Variants in RHOA observed in about 807,000 individuals in gnomAD.
RHOA encodes ras homolog family member A.
Under a neutral mutation model 17.5 loss-of-function variants are expected in RHOA, and 3 were observed. That is an observed-to-expected ratio of 0.17 (90% CI 0.08 to 0.44). The LOEUF is 0.44. RHOA is among the 20% of genes least tolerant of loss of function. The pLI, the probability that RHOA is intolerant of heterozygous loss-of-function variation, is 0.99. For synonymous variants in RHOA, 98 were observed against 88.4 expected (o/e 1.11, Z -0.61); for missense variants, 56 against 242.3 (o/e 0.23, Z 5.10).
chr3:49,361,408 G>A (rs539779545), intron 4 of RHOA, among the ~76,000 whole-genome samples: 4 of 152,314 alleles, frequency 2.6e-5, no homozygotes, highest in African/African-American at 4.8e-5. Flanking sequence ...GCTGGTTTCT[G>A]AGAGGCCAAG....
At chr3:49,360,940 G>A (rs753621372) in intron 4 of RHOA, 3 of 370,694 alleles carry the variant, frequency 8.1e-6, no homozygotes, top group African/African-American at 6.7e-5. Flanking sequence ...GGGTGTGGTA[G>A]TGGGCGCCTG....
intron 1 of RHOA, among the ~76,000 whole-genome samples, chr3:49,394,116 T>C (rs1218055946): frequency 1.3e-5 from 2 of 152,034 alleles, no homozygotes; most frequent in Non-Finnish European, 2.9e-5. Context: ...GTGATCTGCC[T>C]GCCTCAGCCT....
intron 1 of RHOA, among the ~76,000 whole-genome samples, chr3:49,404,277 T>C (rs888534112): frequency 2.3e-5 from 3 of 132,660 alleles, no homozygotes; most frequent in Admixed American, 8.4e-5. Flanking sequence ...CACTCCAGCC[T>C]AGATGACAAA....
At chr3:49,373,837 C>T (rs1157872697) in intron 2 of RHOA, among the ~76,000 whole-genome samples, 3 of 149,752 alleles carry the variant, frequency 2.0e-5, no homozygotes, top group Admixed American at 1.3e-4. Flanking sequence ...AGAGGCCAAG[C>T]AAAGCATTAC....
At chr3:49,387,648 G>C (rs892168145) in intron 1 of RHOA, among the ~76,000 whole-genome samples, 4 of 151,112 alleles carry the variant, frequency 2.6e-5, no homozygotes, top group African/African-American at 7.3e-5. Context: ...AGGAGGCTGA[G>C]GTAGGAGAAT....
At chr3:49,411,542 G>C (rs1279542914) in intron 1 of RHOA, among the ~76,000 whole-genome samples, 1 of 152,104 alleles carries the variant, frequency 6.6e-6, no homozygotes, top group Non-Finnish European at 1.5e-5. Context: ...GACCGAGGGC[G>C]GGCAGGCGGG....
At chr3:49,387,260 T>A (rs1341687576) in intron 1 of RHOA, among the ~76,000 whole-genome samples, 1 of 136,494 alleles carries the variant, frequency 7.3e-6, no homozygotes, top group African/African-American at 2.8e-5. Flanking sequence ...CTGGCTAATA[T>A]GGTGAAACCC....
At chr3:49,398,044 G>C (rs1228680871) in intron 1 of RHOA, among the ~76,000 whole-genome samples, 1 of 152,144 alleles carries the variant, frequency 6.6e-6, no homozygotes, top group Admixed American at 6.6e-5. Context: ...GCTACATTCA[G>C]TCAAAAGCAC....
intron 3 of RHOA, among the ~76,000 whole-genome samples, chr3:49,367,359 A>AAAAAAAAAAAAAC (rs1436688172): frequency 6.7e-6 from 1 of 149,946 alleles, no homozygotes; most frequent in East Asian, 2.0e-4. Flanking sequence ...AAAAAAAAAA[A>AAAAAAAAAAAAAC]AAAAAAAGAA....
intron 1 of RHOA, among the ~76,000 whole-genome samples, chr3:49,395,590 A>G (rs997706156): frequency 4.0e-5 from 6 of 150,866 alleles, no homozygotes; most frequent in Admixed American, 1.3e-4. Flanking sequence ...GTGGGCGCCT[A>G]TAATTTCAGC....
chr3:49,393,729 T>TGAGA (rs1259094624), intron 1 of RHOA, among the ~76,000 whole-genome samples: 1,897 of 136,712 alleles, frequency 0.014, 88 homozygotes, highest in African/African-American at 0.034. Flanking sequence ...TGTGTGTGTG[T>TGAGA]GACAGAATCT....
intron 1 of RHOA, among the ~76,000 whole-genome samples, chr3:49,408,772 A>G (rs1306647203): frequency 6.6e-6 from 1 of 151,086 alleles, no homozygotes; most frequent in Non-Finnish European, 1.5e-5. Flanking sequence ...TAAATGGCAG[A>G]GTCAGACAAA....
intron 4 of RHOA, among the ~76,000 whole-genome samples, chr3:49,360,711 G>A (rs1343114480): frequency 1.3e-5 from 2 of 151,458 alleles, no homozygotes; most frequent in Non-Finnish European, 2.9e-5. Flanking sequence ...TGCCCACCTC[G>A]GCCTCCCAAA....
intron 1 of RHOA, among the ~76,000 whole-genome samples, chr3:49,393,657 C>T (rs2048552106): frequency 2.6e-4 from 1 of 3,774 alleles, no homozygotes; most frequent in African/African-American, 2.8e-4. Flanking sequence ...CCACAGGTCC[C>T]TTGTCTCAAA....
intron 1 of RHOA, among the ~76,000 whole-genome samples, chr3:49,381,001 T>G (rs1334198150): frequency 6.6e-6 from 1 of 152,024 alleles, no homozygotes; most frequent in Admixed American, 6.6e-5. Flanking sequence ...TAGTAACTTT[T>G]TTTTTTTTTG....
chr3:49,399,912 A>C (rs753935781), intron 1 of RHOA, among the ~76,000 whole-genome samples: 1 of 152,124 alleles, frequency 6.6e-6, no homozygotes, highest in Non-Finnish European at 1.5e-5. Flanking sequence ...TCCATCTTGG[A>C]ATCTGAACTC....
At chr3:49,390,364 T>C (rs2048478208) in intron 1 of RHOA, among the ~76,000 whole-genome samples, 1 of 151,774 alleles carries the variant, frequency 6.6e-6, no homozygotes. Flanking sequence ...CTCCTGACCT[T>C]GTGATCCACC....
chr3:49,373,241 G>T (rs6802698), intron 2 of RHOA: 1 of 203,790 alleles, frequency 4.9e-6, no homozygotes, highest in Non-Finnish European at 1.1e-5. Flanking sequence ...CTCCTCGGGA[G>T]GCTGAGATAG....
intron 1 of RHOA, among the ~76,000 whole-genome samples, chr3:49,376,605 T>C (rs1159738799): frequency 7.5e-6 from 1 of 133,412 alleles, no homozygotes; most frequent in Non-Finnish European, 1.5e-5. Flanking sequence ...ATCGGGCCAC[T>C]GCACACCAGC....
Sources: allele counts gnomAD v4.1 joint callset (sites outside exome capture counted in the v4.1 genomes callset), GRCh38; gene constraint gnomAD v4.1.1; transcripts MANE v1.5; gene names NCBI Gene and HGNC (gene_info 2026-07-23, HGNC 2026-07-21).